The following MACF1 variants were observed in gnomAD, a reference collection of about 807,000 sequenced individuals.
The protein encoded by MACF1 is microtubule actin crosslinking factor 1, also known as microtubule-actin cross-linking factor 1.
A neutral mutation model predicts 854.8 loss-of-function variants in MACF1; 193 were observed. The ratio of observed to expected loss-of-function variants is 0.23; its 90% CI spans 0.20 to 0.25. The LOEUF (loss-of-function observed/expected upper bound fraction) is 0.25, where lower values mean the gene tolerates loss of function less well. Among genes scored for constraint, MACF1 ranks in the 10% least tolerant of loss-of-function variants. MACF1 has a pLI of 1.00. For synonymous variants in MACF1, 3,185 were observed against 3,226.7 expected (o/e 0.99, Z 0.44); for missense variants, 7,722 against 8,929.1 (o/e 0.86, Z 5.45).
intron 2 of MACF1, among the ~76,000 whole-genome samples, chr1:39,246,695 A>G (rs924548045): frequency 2.0e-5 from 3 of 151,810 alleles, no homozygotes; most frequent in African/African-American, 7.3e-5. Context: ...TTTTTAGTAG[A>G]CACGGGGTTT....
chr1:39,381,126 C>T (rs1015439428), intron 55 of MACF1, among the ~76,000 whole-genome samples: 2 of 151,850 alleles, frequency 1.3e-5, no homozygotes, highest in African/African-American at 2.4e-5. Flanking sequence ...GGCATGATCT[C>T]GGCTCACCGC....
At chr1:39,297,243 A>G (rs1206247258) in intron 20 of MACF1, among the ~76,000 whole-genome samples, 1 of 152,068 alleles carries the variant, frequency 6.6e-6, no homozygotes, top group Non-Finnish European at 1.5e-5. Flanking sequence ...CCTAAATTAA[A>G]TAGTTTCCGT....
chr1:39,427,449 G>C lies in MACF1; in HGVS notation c.16317-6G>C, dbSNP rs542644052. On this transcript the variant is annotated splice_region_variant and splice_polypyrimidine_tract_variant and intron_variant, in intron 61 of 100. Coordinates refer to ENST00000564288, the MANE Select transcript of MACF1 (RefSeq NM_001394062.1). Reference sequence around the variant, plus strand: ...CCTGAGCAGCTTGTTCTATATATTTGTGTAGGCAAAAACAGCTGGAAGACA... The same window carrying C: ...CCTGAGCAGCTTGTTCTATATATTTCTGTAGGCAAAAACAGCTGGAAGACA... 3.1e-6 allele frequency: 5 copies of C among 1,613,296 alleles called. No homozygotes were observed. Among genetic ancestry groups the C allele is most frequent in the Admixed American group, 1.7e-5 (1 of 59,922 alleles).
At chr1:39,136,055 A>G (rs920070476) in intron 2 of MACF1, among the ~76,000 whole-genome samples, 6 of 152,220 alleles carry the variant, frequency 3.9e-5, no homozygotes, top group Admixed American at 3.9e-4. Context: ...ACACACATAC[A>G]TACATATGTA....
upstream of MACF1, among the ~76,000 whole-genome samples, chr1:39,200,488 C>A (rs1162120840): frequency 3.3e-5 from 5 of 152,088 alleles, no homozygotes; most frequent in Admixed American, 1.3e-4. Context: ...CACCTGAGAT[C>A]AGGAGTTCGA....
chr1:39,309,524 G>A, intron 23 of MACF1, 46 bp from the exon 24 acceptor site: 1 of 1,610,728 alleles, frequency 6.2e-7, no homozygotes. Flanking sequence ...CTAATGTGGA[G>A]CTGAAGTCTT....
Position 39,115,688 on chromosome 1 carries a change from GA to G in MACF1, c.220+31251del, listed in dbSNP as rs1038690616. 1.2e-4 allele frequency among the ~76,000 whole-genome samples: 19 copies of G among 152,290 alleles called. No individual in the cohort carries two copies. In the South Asian group the frequency reaches 2.1e-3, roughly 17 times the overall value. On this transcript the variant is annotated intron_variant, in intron 2 of 93. Transcript: ENST00000361689. ...TCAGCTTATCAAACCACAGCCATAG[GA>G]GGGGAGAAGGAGCTGGCTTTAGGAG...
chr1:39,322,700 T>G lies in MACF1; in HGVS notation c.4122T>G (p.Asp1374Glu). ...GCCGTCGCATGCTTTCCTCTTCAGA[T>G]GCCATCACTCAAGAGGTGAGAGGGT... ...GKRRRMLSSSDAITQEFMDLR... is the reference protein window; with the variant it reads ...GKRRRMLSSSEAITQEFMDLR... Residue 1374 changes from aspartate (D) to glutamate (E), a missense_variant, in exon 32 of 101, where the codon GAT (aspartate) becomes GAG (glutamate). By Grantham distance (45) the Asp-to-Glu change is conservative. Around this residue, in one of 15 missense-constraint regions of MACF1, gnomAD observed 1,137 missense variants for 1,263.0 expected, o/e 0.90. Coordinates refer to ENST00000564288, the MANE Select transcript of MACF1 (RefSeq NM_001394062.1). 6.2e-7 allele frequency: 1 copy of G among 1,614,088 alleles called. No individual in the cohort carries two copies. Among genetic ancestry groups the G allele is most frequent in the Non-Finnish European group, 8.5e-7 (1 of 1,179,956 alleles).
intron 26 of MACF1, among the ~76,000 whole-genome samples, chr1:39,311,433 A>C (rs898458025): frequency 6.6e-6 from 1 of 152,210 alleles, no homozygotes; most frequent in African/African-American, 2.4e-5. Context: ...GACTTTGAGC[A>C]AGTGAGCTCT....
chr1:39,084,332 C>G lies in MACF1; in HGVS notation c.114C>G (p.Pro38=), dbSNP rs764323523. The G allele has an allele frequency of 3.1e-6, 5 of 1,614,070 alleles. No individual in the cohort carries two copies. Among genetic ancestry groups the G allele is most frequent in the Non-Finnish European group, 4.2e-6 (5 of 1,180,030 alleles). Reference sequence around the variant, plus strand: ...GGTCGGGGAGCCTGTCTCCCTGTCCCCCAGGGGACACCTTGCCCTGGAACC... The same window carrying G: ...GGTCGGGGAGCCTGTCTCCCTGTCCGCCAGGGGACACCTTGCCCTGGAACC... The change falls in exon 2 of 94, where the codon CCC becomes CCG. Residue 38 remains proline, a synonymous_variant. Coordinates refer to the MACF1 transcript ENST00000361689. The surrounding 1 kb of genome is among the most constrained non-coding windows in gnomAD (Gnocchi z 5.2).
chr1:39,237,113 A>G (rs936171275), intron 2 of MACF1, among the ~76,000 whole-genome samples: 1 of 152,234 alleles, frequency 6.6e-6, no homozygotes, highest in African/African-American at 2.4e-5. Context: ...CGCTATAGCC[A>G]CATGAGACAA....
intron 2 of MACF1, among the ~76,000 whole-genome samples, chr1:39,085,630 G>A (rs150103103): frequency 2.0e-5 from 3 of 152,006 alleles, no homozygotes; most frequent in Middle Eastern, 3.4e-3. Context: ...TCTATTTTAT[G>A]AAATGAAGTG....
chr1:39,374,951 A>G (rs974900394), intron 52 of MACF1, among the ~76,000 whole-genome samples: 1 of 151,988 alleles, frequency 6.6e-6, no homozygotes, highest in Non-Finnish European at 1.5e-5. Flanking sequence ...TCTACTAAAA[A>G]TACAAAAAGT....
At chr1:39,270,836 G>A (rs1645303104) in intron 6 of MACF1, among the ~76,000 whole-genome samples, 1 of 152,150 alleles carries the variant, frequency 6.6e-6, no homozygotes, top group Non-Finnish European at 1.5e-5. Context: ...AGCAGCATAA[G>A]GCTGAGGATA....
intron 24 of MACF1, 58 bp from the exon 25 acceptor site, chr1:39,310,187 A>G (rs1199880679): frequency 6.5e-6 from 9 of 1,380,426 alleles, no homozygotes; most frequent in Non-Finnish European, 8.9e-6. Flanking sequence ...AAATGGAGGA[A>G]AAGAGGAAGT....
intron 2 of MACF1, among the ~76,000 whole-genome samples, chr1:39,110,553 A>T (rs539549026): frequency 6.6e-6 from 1 of 152,196 alleles, no homozygotes; most frequent in African/African-American, 2.4e-5. Flanking sequence ...TCAGTTTTTA[A>T]GTTCCTTTTT....
chr1:39,349,896 A>G (rs1569633341), intron 42 of MACF1, among the ~76,000 whole-genome samples: 1 of 152,160 alleles, frequency 6.6e-6, no homozygotes, highest in Non-Finnish European at 1.5e-5. Flanking sequence ...TGGCCTCTCA[A>G]AGTGTTAGGA....
chr1:39,244,126 A>G (rs1644955162), intron 2 of MACF1, among the ~76,000 whole-genome samples: 1 of 148,032 alleles, frequency 6.8e-6, no homozygotes, highest in Admixed American at 6.8e-5. Flanking sequence ...TTTGGGGGGG[A>G]CAGAGTCTCA....
intron 30 of MACF1, among the ~76,000 whole-genome samples, chr1:39,318,829 A>G (rs534875343): frequency 6.6e-6 from 1 of 152,230 alleles, no homozygotes; most frequent in East Asian, 1.9e-4. Flanking sequence ...AGTTTCTGTA[A>G]CTGTATTGAA....
Sources: gnomAD v4.1 joint callset for allele counts (sites outside exome capture counted in the v4.1 genomes callset) on GRCh38, gnomAD v4.1.1 for gene constraint, gnomAD v4.1.1 regional missense constraint, Gnocchi (gnomAD v3.1) non-coding constraint, MANE v1.5 for transcripts, NCBI Gene and HGNC (gene_info 2026-07-23, HGNC 2026-07-21) for gene names.